Variants in CYP11B2 observed in about 807,000 individuals in gnomAD.
CYP11B2 encodes the protein cytochrome P450 family 11 subfamily B member 2, also known as cytochrome P450 11B2, mitochondrial.
In CYP11B2, 38 loss-of-function variants were observed where a neutral mutation model predicts 49.3. The ratio of observed to expected loss-of-function variants is 0.77; its 90% CI spans 0.59 to 1.01. CYP11B2 has a LOEUF of 1.01. Among genes scored for constraint, CYP11B2 ranks in the 50% least tolerant of loss-of-function variants. The pLI, the probability that CYP11B2 is intolerant of heterozygous loss-of-function variation, is 0.00. For synonymous variants in CYP11B2, 290 were observed against 269.3 expected (o/e 1.08, Z -0.75); for missense variants, 669 against 655.5 (o/e 1.02, Z -0.23).
Position 142,917,803 on chromosome 8 carries a change from G to T in CYP11B2, c.38C>A (p.Ala13Glu). 6.2e-7 allele frequency: 1 copy of T among 1,614,094 alleles called. No homozygotes were observed. Among genetic ancestry groups the T allele is most frequent in the South Asian group, 1.1e-5 (1 of 91,084 alleles). Residue 13 changes from alanine to glutamate, a missense_variant, in exon 1 of 9, where the codon GCG (alanine) becomes GAG (glutamate). By Grantham distance (107) the Ala-to-Glu change is moderately radical. Coordinates refer to ENST00000323110, the MANE Select transcript of CYP11B2 (RefSeq NM_000498.3). ...LRAKAEVCVA[A>E]PWLSLQRARA... ...TGCCCTTTGCAGGGACAGCCAGGGC[G>T]CTGCCACGCACACCTCTGCCTTTGC...
chr8:142,914,478 C>A, intron 4 of CYP11B2, 60 bp from the exon 5 acceptor site: 2 of 1,511,592 alleles, frequency 1.3e-6, no homozygotes, highest in African/African-American at 1.4e-5. Context: ...CCTTCAGTGT[C>A]CTCCTCCTGC....
intron 2 of CYP11B2, chr8:142,916,509 C>G (rs993342979): frequency 2.3e-6 from 1 of 440,446 alleles, no homozygotes; most frequent in Non-Finnish European, 4.6e-6. Flanking sequence ...TGCCATCAAC[C>G]GCCCCACCTT....
chr8:142,912,482 TC>T (rs1252207396), intron 8 of CYP11B2, 47 bp downstream of exon 8: 2 of 1,585,084 alleles, frequency 1.3e-6, no homozygotes, highest in South Asian at 2.2e-5. Flanking sequence ...AGTGTGCAGG[TC>T]CCGCCTCTGC....
At position 142,911,639 on chromosome 8, in the gene CYP11B2, T is replaced by G; in HGVS notation, c.*341A>C. On this transcript the variant is annotated 3_prime_UTR_variant, in exon 9 of 9. Transcript: ENST00000323110. ...CTAGGCAGGAAGGCAAGGGACAAAA[T>G]CACAGCACCCTTGCATGGCCTCATG... 1 of 356,076 alleles carries G rather than the reference T, an allele frequency of 2.8e-6. No individual in the cohort carries two copies. The highest frequency in any genetic ancestry group is 5.3e-6 in the Non-Finnish European group (1 of 187,242). 22.1% of individuals were successfully genotyped at this position (356,076 alleles called of 1,614,324 possible). A position where few individuals can be genotyped will look rare whatever the true frequency, so the allele number is the denominator to read the frequency against.
intron 3 of CYP11B2, 37 bp downstream of exon 3, chr8:142,915,009 G>C (rs2130330500): frequency 1.2e-6 from 2 of 1,612,846 alleles, no homozygotes; most frequent in East Asian, 4.5e-5. Context: ...GGCCACTCCA[G>C]GGTCTCTGGG....
At position 142,912,800 on chromosome 8, in the gene CYP11B2, C is replaced by T; in HGVS notation, c.1200+7G>A. 1 of 1,613,744 alleles carries T rather than the reference C, an allele frequency of 6.2e-7. No individual in the cohort carries two copies. The highest frequency in any genetic ancestry group is 8.5e-7 in the Non-Finnish European group (1 of 1,179,742). ...TTCTCAGCTCGAGGGGTGTGGGGCT[C>T]ACTCACCCCAGCTGGGATGTGGTAG... On this transcript the variant is annotated splice_region_variant and intron_variant, in intron 7 of 8. Transcript: ENST00000323110.
chr8:142,914,364 T>C lies in CYP11B2; in HGVS notation c.854A>G (p.His285Arg). ...YQELAFNRPQHYTGIVAELLL... is the reference protein window; with the variant it reads ...YQELAFNRPQRYTGIVAELLL... Reference sequence around the variant, plus strand: ...GAGCTCCGCCACGATGCCTGTGTAGTGTTGAGGGCGGTTGAAGGCCAGTTC... The same window carrying C: ...GAGCTCCGCCACGATGCCTGTGTAGCGTTGAGGGCGGTTGAAGGCCAGTTC... Residue 285 changes from histidine to arginine, a missense_variant, in exon 5 of 9, where the codon CAC becomes CGC. His to Arg is a conservative substitution (Grantham distance 29). Coordinates refer to ENST00000323110, the MANE Select transcript of CYP11B2 (RefSeq NM_000498.3). 2 of 1,613,496 alleles carry C rather than the reference T, an allele frequency of 1.2e-6. No homozygotes were observed. Among genetic ancestry groups the C allele is most frequent in the South Asian group, 2.2e-5 (2 of 91,040 alleles).
chr8:142,912,513 C>T lies in CYP11B2; in HGVS notation c.1398+17G>A, dbSNP rs773981025. Reference sequence around the variant, plus strand: ...CTCTGCTGCCCAGGTCCCGCCCCCGCCCCCAGGCCTGCTTACGTGGTGCAG... The same window carrying T: ...CTCTGCTGCCCAGGTCCCGCCCCCGTCCCCAGGCCTGCTTACGTGGTGCAG... On this transcript the variant is annotated intron_variant, in intron 8 of 8. Coordinates refer to ENST00000323110, the MANE Select transcript of CYP11B2 (RefSeq NM_000498.3). 5 of 1,609,256 alleles carry T rather than the reference C, an allele frequency of 3.1e-6. 1 individual carries two copies. In the South Asian group the frequency reaches 4.4e-5, roughly 14 times the overall value.
chr8:142,916,282 C>T (rs572515061), intron 2 of CYP11B2: 24 of 396,060 alleles, frequency 6.1e-5, no homozygotes, highest in Non-Finnish European at 1.0e-4. Flanking sequence ...GTGAAGGCCC[C>T]GACCCACGGG....
At position 142,913,310 on chromosome 8, in the gene CYP11B2, G is replaced by T. The variant is rs148659506; in HGVS notation, c.1096C>A (p.Arg366=). The part of the protein sequence containing the change: ...QKATTELPLL[R]AALKETLRLY... ...CGCAAGGTCTCCTTGAGGGCCGCCC[G>T]CAGCAAGGGCAGCTCGGTGGTTGCC... Residue 366 remains arginine, a synonymous_variant, in exon 6 of 9, where the codon CGG becomes AGG. Transcript: ENST00000323110. 13 of 1,613,868 alleles carry T rather than the reference G, an allele frequency of 8.1e-6. No individual in the cohort carries two copies. The highest frequency in any genetic ancestry group is 1.1e-5 in the Non-Finnish European group (13 of 1,179,998).
rs546626992 is a variant in CYP11B2, at chr8:142,912,200, C to T, written c.1399-107G>A. ...AACAATTATGCTGAAGGGGGAGCAG[C>T]AGCCTGGGCCCCAACCTATCCCACT... On this transcript the variant is annotated intron_variant, in intron 8 of 8. Coordinates refer to ENST00000323110, the MANE Select transcript of CYP11B2 (RefSeq NM_000498.3). 5.8e-6 allele frequency: 9 copies of T among 1,549,532 alleles called. No individual in the cohort carries two copies. In the South Asian group the frequency reaches 1.0e-4, roughly 18 times the overall value.
rs745998140 is a variant in CYP11B2 at position 142,917,553 on chromosome 8, C to T, written c.239+49G>A. 10 of 1,613,804 alleles carry T rather than the reference C, an allele frequency of 6.2e-6. No individual in the cohort carries two copies. In the South Asian group the frequency reaches 1.1e-4, roughly 18 times the overall value. On this transcript the variant is annotated intron_variant, in intron 1 of 8. Transcript: ENST00000323110. ...GAGTGCCTGGCAGGGTCCTGGGCAG[C>T]AGGGGCAGGGATCTGGGTGTTCCCA...
intron 6 of CYP11B2, 149 bp from the exon 7 acceptor site, chr8:142,913,034 A>G (rs62525984): frequency 0.096 from 84,868 of 884,672 alleles, 7,580 homozygotes; most frequent in African/African-American, 0.33. Flanking sequence ...TGCTGAGCCC[A>G]GCCAAACCTC....
chr8:142,912,534 T>G lies in CYP11B2; in HGVS notation c.1394A>C (p.His465Pro). The change falls in exon 8 of 9, where the codon CAC becomes CCC. Residue 465 changes from histidine to proline, a missense_variant. Physicochemically the swap from His to Pro is moderately conservative, Grantham distance 77. Transcript: ENST00000323110. ...LAEAEMLLLL[H>P]HVLKHFLVET... Reference sequence around the variant, plus strand: ...CCCGCCCCCAGGCCTGCTTACGTGGTGCAGCAGCAGCAGCATCTCTGCCTC... The same window carrying G: ...CCCGCCCCCAGGCCTGCTTACGTGGGGCAGCAGCAGCAGCATCTCTGCCTC... 1 of 1,602,938 alleles carries G rather than the reference T, an allele frequency of 6.2e-7. No homozygotes were observed. Among genetic ancestry groups the G allele is most frequent in the Admixed American group, 1.7e-5 (1 of 59,910 alleles).
In CYP11B2 at chr8:142,911,796, C is replaced by T; in HGVS notation, c.*184G>A. 1 of 868,996 alleles carries T rather than the reference C, an allele frequency of 1.2e-6. No individual in the cohort carries two copies. The highest frequency in any genetic ancestry group is 1.7e-6 in the Non-Finnish European group (1 of 572,508). The allele number at this position is 868,996 out of a possible 1,614,324, so 53.8% of individuals were successfully genotyped here. ...AGATCGTCTCCAGCTGTGCCCTGGC[C>T]TTGCTATTTGACAAGCCTGGCAAGC... On this transcript the variant is annotated 3_prime_UTR_variant, in exon 9 of 9. Transcript: ENST00000323110.
chr8:142,911,706 AGAGGGCAC>A lies in CYP11B2; in HGVS notation c.*266_*273del, dbSNP rs1253443134. On this transcript the variant is annotated 3_prime_UTR_variant, in exon 9 of 9. Coordinates refer to ENST00000323110, the MANE Select transcript of CYP11B2 (RefSeq NM_000498.3). ...CGCTGGGAGTAGAGTCAAGCTGTCC[AGAGGGCAC>A]TGCTTGCTGGAGAAGGGGCCAGGTG... is the stretch of plus-strand genomic sequence containing the variant. 1 of 501,244 alleles carries A rather than the reference AGAGGGCAC, an allele frequency of 2.0e-6. No individual in the cohort carries two copies. The highest frequency in any genetic ancestry group is 3.6e-6 in the Non-Finnish European group (1 of 275,488). The allele number at this position is 501,244 out of a possible 1,614,324, so 31.0% of individuals were successfully genotyped here. A position where few individuals can be genotyped will look rare whatever the true frequency, so the allele number is the denominator to read the frequency against.
At position 142,915,658 on chromosome 8, in the gene CYP11B2, G is replaced by A. The variant is rs1462987489; in HGVS notation, c.396-413C>T. Among the ~76,000 whole-genome samples the A allele has an allele frequency of 3.8e-5, 5 of 130,602 alleles. 2 individuals carry two copies. The highest frequency in any genetic ancestry group is 9.3e-5 in the Non-Finnish European group (5 of 53,946). 85.7% of individuals were successfully genotyped at this position (130,602 alleles called of 152,430 possible). A position where few individuals can be genotyped will look rare whatever the true frequency, so the allele number is the denominator to read the frequency against. On this transcript the variant is annotated intron_variant, in intron 2 of 8. Coordinates refer to ENST00000323110, the MANE Select transcript of CYP11B2 (RefSeq NM_000498.3). Reference sequence around the variant, plus strand: ...CAGTGTCCTGAGGGGAGAGCCCCTGGCTGCCCTCTCCTCCCCACCCTTCCC... The same window carrying A: ...CAGTGTCCTGAGGGGAGAGCCCCTGACTGCCCTCTCCTCCCCACCCTTCCC...
In CYP11B2 at chr8:142,914,409, C is replaced by A; in HGVS notation, c.809G>T (p.Cys270Phe). The part of the protein sequence containing the change: ...WDCIFQYGDN[C>F]IQKIYQELAF... ...CAGTTCCTGGTAGATTTTCTGGATACAGTTGTCACCTGTCCAGGGAGCAGG... is the reference window on the plus strand; with the variant it reads ...CAGTTCCTGGTAGATTTTCTGGATAAAGTTGTCACCTGTCCAGGGAGCAGG... The change falls in exon 5 of 9, where the codon TGT becomes TTT. Residue 270 changes from cysteine to phenylalanine, a missense_variant. Coordinates refer to ENST00000323110, the MANE Select transcript of CYP11B2 (RefSeq NM_000498.3). The A allele has an allele frequency of 1.9e-6, 3 of 1,612,448 alleles. No individual in the cohort carries two copies. The highest frequency in any genetic ancestry group is 2.5e-6 in the Non-Finnish European group (3 of 1,179,172).
chr8:142,912,190 G>T, intron 8 of CYP11B2, 97 bp from the exon 9 acceptor site: 1 of 1,579,032 alleles, frequency 6.3e-7, no homozygotes, highest in Non-Finnish European at 8.6e-7. Flanking sequence ...TTATGCTGAA[G>T]GGGGAGCAGC....
Sources: allele counts gnomAD v4.1 joint callset (sites outside exome capture counted in the v4.1 genomes callset), GRCh38; gene constraint gnomAD v4.1.1; transcripts MANE v1.5; gene names NCBI Gene and HGNC (gene_info 2026-07-23, HGNC 2026-07-21).